The following FCRL2 variants were observed in gnomAD, a reference collection of about 807,000 sequenced individuals.
The protein encoded by FCRL2 is Fc receptor-like protein 2.
A neutral mutation model predicts 59.8 loss-of-function variants in FCRL2; 48 were observed. The observed-to-expected ratio is 0.80, with a 90% CI of 0.64 to 1.02. The LOEUF (loss-of-function observed/expected upper bound fraction) is 1.02. Among genes scored for constraint, FCRL2 ranks in the 50% least tolerant of loss-of-function variants. FCRL2 has a pLI of 0.00. For synonymous variants in FCRL2, 251 were observed against 229.5 expected (o/e 1.09, Z -0.85); for missense variants, 658 against 597.3 (o/e 1.10, Z -1.06).
intron 10 of FCRL2, among the ~76,000 whole-genome samples, chr1:157,747,628 A>G (rs1647851276): frequency 6.6e-6 from 1 of 152,228 alleles, no homozygotes; most frequent in South Asian, 2.1e-4. Context: ...AGCTGTCAAC[A>G]GCCACTGGCT....
intron 2 of FCRL2, among the ~76,000 whole-genome samples, chr1:157,773,085 C>T (rs1410130735): frequency 6.6e-6 from 1 of 152,188 alleles, no homozygotes; most frequent in Non-Finnish European, 1.5e-5. Flanking sequence ...AAGTGGTACC[C>T]TCAAGGCAGA....
intron 5 of FCRL2, 176 bp downstream of exon 5, chr1:157,768,238 C>T: frequency 1.7e-6 from 1 of 596,818 alleles, no homozygotes; most frequent in Non-Finnish European, 2.9e-6. Context: ...TTTATATTTC[C>T]TTCCACAAAA....
chr1:157,755,789 A>G (rs554250433), intron 7 of FCRL2, among the ~76,000 whole-genome samples: 1 of 152,336 alleles, frequency 6.6e-6, no homozygotes, highest in African/African-American at 2.4e-5. Flanking sequence ...TTTGTGTGAA[A>G]ATAAAGAACA....
intron 2 of FCRL2, among the ~76,000 whole-genome samples, chr1:157,774,634 T>C (rs1376119429): frequency 6.6e-6 from 1 of 152,226 alleles, no homozygotes; most frequent in Non-Finnish European, 1.5e-5. Flanking sequence ...AGAAACCTCC[T>C]GAATATTGAT....
chr1:157,774,344 C>T, intron 2 of FCRL2: 1 of 424,364 alleles, frequency 2.4e-6, no homozygotes, highest in South Asian at 1.7e-5. Context: ...CAAGTGACTG[C>T]CCAGCCTACA....
At chr1:157,760,741 A>AAGAAAG (rs1363926707) in intron 7 of FCRL2, among the ~76,000 whole-genome samples, 1 of 145,950 alleles carries the variant, frequency 6.9e-6, no homozygotes, top group African/African-American at 2.6e-5. Context: ...GAAAGAAAGA[A>AAGAAAG]AGAAAGAAAG....
intron 10 of FCRL2, among the ~76,000 whole-genome samples, chr1:157,747,543 C>A (rs1647844375): frequency 6.6e-6 from 1 of 152,132 alleles, no homozygotes. Context: ...CAAATCTAAG[C>A]AAGGCAGACA....
At chr1:157,747,715 C>T (rs1571244765) in intron 10 of FCRL2, among the ~76,000 whole-genome samples, 2 of 152,170 alleles carry the variant, frequency 1.3e-5, no homozygotes, top group East Asian at 3.8e-4. Context: ...GTTTTAAGGG[C>T]ACTGGAGCAG....
chr1:157,760,066 G>T (rs1191776779), intron 7 of FCRL2, among the ~76,000 whole-genome samples: 1 of 152,120 alleles, frequency 6.6e-6, no homozygotes, highest in African/African-American at 2.4e-5. Flanking sequence ...CAGTATACCA[G>T]ATAAAGAAAA....
At chr1:157,772,935 C>T (rs182660246) in intron 2 of FCRL2, among the ~76,000 whole-genome samples, 2 of 152,194 alleles carry the variant, frequency 1.3e-5, no homozygotes, top group East Asian at 3.9e-4. Flanking sequence ...CCTAGTTCTG[C>T]CCACACTGGT....
chr1:157,748,350 C>T (rs1393337560), intron 10 of FCRL2, among the ~76,000 whole-genome samples: 1 of 152,042 alleles, frequency 6.6e-6, no homozygotes, highest in African/African-American at 2.4e-5. Flanking sequence ...TATCAGCTCA[C>T]AGGCAGAGAT....
chr1:157,748,807 G>A, intron 9 of FCRL2, 68 bp downstream of exon 9: 1 of 1,476,940 alleles, frequency 6.8e-7, no homozygotes. Context: ...CCACCTAATG[G>A]TCTCCGCTCC....
intron 7 of FCRL2, among the ~76,000 whole-genome samples, chr1:157,753,948 G>A (rs1372305690): frequency 1.3e-5 from 2 of 151,662 alleles, no homozygotes; most frequent in Admixed American, 6.6e-5. Flanking sequence ...ATACCATAGG[G>A]TATTATAAAG....
At chr1:157,771,060 A>G (rs1024730766) in intron 2 of FCRL2, among the ~76,000 whole-genome samples, 15 of 152,266 alleles carry the variant, frequency 9.9e-5, no homozygotes, top group Admixed American at 7.8e-4. Flanking sequence ...TTATAAAAGC[A>G]TTAGTCCTAT....
intron 2 of FCRL2, 107 bp from the exon 3 acceptor site, chr1:157,770,773 GA>G: frequency 8.2e-7 from 1 of 1,226,600 alleles, no homozygotes; most frequent in Non-Finnish European, 1.1e-6. Context: ...CTTTAAACAA[GA>G]TGGAAGTTCC....
At chr1:157,761,747 C>A (rs1401227194) in intron 7 of FCRL2, among the ~76,000 whole-genome samples, 1 of 151,992 alleles carries the variant, frequency 6.6e-6, no homozygotes, top group Non-Finnish European at 1.5e-5. Flanking sequence ...CTCAGTATGA[C>A]AAATCACTCT....
chr1:157,764,567 G>A (rs1571278272), intron 7 of FCRL2, among the ~76,000 whole-genome samples: 1 of 152,174 alleles, frequency 6.6e-6, no homozygotes, highest in South Asian at 2.1e-4. Context: ...TAGACCACAT[G>A]TTAGGCCACA....
chr1:157,762,712 C>T (rs1197230340), intron 7 of FCRL2, among the ~76,000 whole-genome samples: 1 of 149,686 alleles, frequency 6.7e-6, no homozygotes, highest in African/African-American at 2.4e-5. Context: ...CCTCTAGTCA[C>T]CTATAAAGAA....
rs913239815 is a variant in FCRL2, at chr1:157,753,067, A to G, written c.1280-3390T>C. ...GTATGCACACACTGACATACACACA[A>G]ACAGAATAGGGCATCAAAGTTAGAT... On this transcript the variant is annotated intron_variant, in intron 7 of 11. Coordinates refer to ENST00000361516, the MANE Select transcript of FCRL2 (RefSeq NM_030764.4). 2.6e-5 allele frequency among the ~76,000 whole-genome samples: 4 copies of G among 152,164 alleles called. No individual in the cohort carries two copies. The East Asian group carries it at 7.7e-4, about 29-fold the overall frequency.
Sources: gnomAD v4.1 joint callset for allele counts (sites outside exome capture counted in the v4.1 genomes callset) on GRCh38, gnomAD v4.1.1 for gene constraint, MANE v1.5 for transcripts, NCBI Gene and HGNC (gene_info 2026-07-23, HGNC 2026-07-21) for gene names.